Variants in THBS2 observed in about 807,000 individuals in gnomAD.
THBS2 encodes thrombospondin-2.
In THBS2, 47 loss-of-function variants were observed where a neutral mutation model predicts 135.2. The observed-to-expected ratio is 0.35, with a 90% CI of 0.28 to 0.44. The LOEUF (loss-of-function observed/expected upper bound fraction) is 0.44. THBS2 is among the 20% of genes least tolerant of loss of function. THBS2 has a pLI of 1.00. For synonymous variants in THBS2, 639 were observed against 633.8 expected (o/e 1.01, Z -0.12); for missense variants, 1,288 against 1,603.1 (o/e 0.80, Z 3.36).
Position 169,234,810 on chromosome 6 carries a change from C to T in THBS2, c.1575G>A (p.Glu525=). ...CGCAGGCCTTCCCTCCGTACTGAGG[C>T]TCAGGGCTGTTGCAGACCCGGGTGC... ...RERTRVCNSP[E]PQYGGKACVG... Residue 525 remains glutamate, a synonymous_variant, in exon 10 of 22, where the codon GAG becomes GAA. Transcript: ENST00000617924. The T allele has an allele frequency of 1.2e-6, 2 of 1,612,998 alleles. No individual in the cohort carries two copies. Among genetic ancestry groups the T allele is most frequent in the Non-Finnish European group, 1.7e-6 (2 of 1,179,612 alleles).
chr6:169,223,164 A>G (rs1034711181), intron 18 of THBS2, 84 bp downstream of exon 18: 82 of 1,291,970 alleles, frequency 6.3e-5, no homozygotes, highest in Middle Eastern at 2.7e-4. Context: ...TCCCACCTGC[A>G]TGATCTTAAA....
In THBS2 at chr6:169,216,744, T is replaced by A. The variant is rs1779185877; in HGVS notation, c.*1078A>T. 1 of 152,224 alleles carries A rather than the reference T, an allele frequency of 6.6e-6. No individual in the cohort carries two copies. The highest frequency in any genetic ancestry group is 1.5e-5 in the Non-Finnish European group (1 of 68,038). 9.4% of individuals were successfully genotyped at this position (152,224 alleles called of 1,614,324 possible). On this transcript the variant is annotated 3_prime_UTR_variant, in exon 22 of 22. Transcript: ENST00000617924. ...CTTATTAGATGTTTGTTTCTAGAAATTATACTACATATGTGTTACTAGGCA... is the reference window on the plus strand; with the variant it reads ...CTTATTAGATGTTTGTTTCTAGAAAATATACTACATATGTGTTACTAGGCA...
In THBS2 at chr6:169,252,948, A is replaced by C. The variant is rs1583424810; in HGVS notation, c.-23+776T>G. On this transcript the variant is annotated intron_variant, in intron 1 of 21. Coordinates refer to ENST00000617924, the MANE Select transcript of THBS2 (RefSeq NM_003247.5). The surrounding 1 kb of genome is among the most constrained non-coding windows in gnomAD (Gnocchi z 4.3). ...ACCACCAACAGCAGTCTGATTAAAC[A>C]CCAGACTCCTGGGTGCTCAGCTCCC... is the stretch of plus-strand genomic sequence containing the variant. 6.6e-6 allele frequency among the ~76,000 whole-genome samples: 1 copy of C among 152,210 alleles called. No individual in the cohort carries two copies. Among genetic ancestry groups the C allele is most frequent in the Non-Finnish European group, 1.5e-5 (1 of 68,042 alleles).
intron 3 of THBS2, among the ~76,000 whole-genome samples, chr6:169,247,985 G>T (rs73046024): frequency 0.12 from 18,677 of 152,034 alleles, 1,248 homozygotes; most frequent in Non-Finnish European, 0.15. Flanking sequence ...GTGTGCACAT[G>T]GGCATGCATA....
chr6:169,233,214 C>CG (rs1411363860), intron 10 of THBS2, among the ~76,000 whole-genome samples, 197 bp from the exon 11 acceptor site: 1 of 152,052 alleles, frequency 6.6e-6, no homozygotes, highest in Non-Finnish European at 1.5e-5. Flanking sequence ...CACAGTGCAG[C>CG]GGGTTGCAGA....
Position 169,222,592 on chromosome 6 carries a change from C to G in THBS2, c.3002-124G>C, listed in dbSNP as rs1272783087. 1.2e-5 allele frequency: 13 copies of G among 1,057,814 alleles called. No homozygotes were observed. The Admixed American group carries it at 2.0e-4, about 16-fold the overall frequency. 65.5% of individuals were successfully genotyped at this position (1,057,814 alleles called of 1,614,324 possible). The stretch of plus-strand genomic sequence containing the variant: ...GGCAGATCACCTGAGGTCAAGAGTT[C>G]GAGACTGGTCTGACCAATATGGTGA... On this transcript the variant is annotated intron_variant, in intron 18 of 21. Coordinates refer to ENST00000617924, the MANE Select transcript of THBS2 (RefSeq NM_003247.5).
chr6:169,219,585 TC>T (rs1169113992), intron 21 of THBS2, among the ~76,000 whole-genome samples: 2 of 152,082 alleles, frequency 1.3e-5, no homozygotes, highest in Non-Finnish European at 1.5e-5. Flanking sequence ...CCTCAGGGGA[TC>T]CACCCGCCTT....
At chr6:169,229,901 CA>C (rs1779775686) in intron 13 of THBS2, among the ~76,000 whole-genome samples, 1 of 152,082 alleles carries the variant, frequency 6.6e-6, no homozygotes, top group South Asian at 2.1e-4. Flanking sequence ...ACGAGGGAGA[CA>C]AAAGAAACTT....
intron 15 of THBS2, among the ~76,000 whole-genome samples, chr6:169,227,134 C>T (rs955097226): frequency 8.5e-5 from 13 of 152,140 alleles, no homozygotes; most frequent in African/African-American, 2.2e-4. Flanking sequence ...CTGAGAAACC[C>T]GCTGTGAGAC....
In THBS2 at chr6:169,222,254, C is replaced by T. The variant is rs142051087; in HGVS notation, c.3216G>A (p.Thr1072=). Reference sequence around the variant, plus strand: ...CGTTCCTCAGGTGCTCGCCCGTCCCCGTGGTGGAGTTCACCACCTTGAGGG... The same window carrying T: ...CGTTCCTCAGGTGCTCGCCCGTCCCTGTGGTGGAGTTCACCACCTTGAGGG... ...GVSLKVVNST[T]GTGEHLRNAL... Residue 1072 remains threonine (T), a synonymous_variant, in exon 19 of 22, where the codon ACG becomes ACA. Coordinates refer to ENST00000617924, the MANE Select transcript of THBS2 (RefSeq NM_003247.5). 5.5e-4 allele frequency: 882 copies of T among 1,613,192 alleles called. 2 individuals are homozygous for T. The highest frequency in any genetic ancestry group is 4.1e-4 in the Non-Finnish European group (483 of 1,180,022).
At position 169,226,283 on chromosome 6, in the gene THBS2, C is replaced by T. The variant is rs1477648023; in HGVS notation, c.2435G>A (p.Arg812Gln). The change falls in exon 16 of 22, where the codon CGA (arginine) becomes CAA (glutamine). Residue 812 changes from arginine (R) to glutamine (Q), a missense_variant. By Grantham distance (43) the Arg-to-Gln change is conservative. Transcript: ENST00000617924. ...DIDGDDVFNERDNCPYVYNTD... is the reference protein window; with the variant it reads ...DIDGDDVFNEQDNCPYVYNTD... Reference sequence around the variant, plus strand: ...GTTGTAGACGTAGGGACAATTGTCTCGTTCATTGAAGACATCTGTAAGTGT... The same window carrying T: ...GTTGTAGACGTAGGGACAATTGTCTTGTTCATTGAAGACATCTGTAAGTGT... The T allele has an allele frequency of 5.0e-6, 8 of 1,613,570 alleles. No individual in the cohort carries two copies. In the Admixed American group the frequency reaches 5.0e-5, roughly 10 times the overall value.
Position 169,229,685 on chromosome 6 carries a change from A to AT in THBS2, c.2152-7dup. On this transcript the variant is annotated splice_region_variant and splice_polypyrimidine_tract_variant and intron_variant, in intron 13 of 21. Coordinates refer to ENST00000617924, the MANE Select transcript of THBS2 (RefSeq NM_003247.5). Reference sequence around the variant, plus strand: ...GGCAGATGGGGGCAGTTATCCTGCAATTGGAGAAGGAAGAATACTTGGAAA... The same window carrying AT: ...GGCAGATGGGGGCAGTTATCCTGCAATTTGGAGAAGGAAGAATACTTGGAAA... 1 of 1,609,932 alleles carries AT rather than the reference A, an allele frequency of 6.2e-7. No individual in the cohort carries two copies. The highest frequency in any genetic ancestry group is 8.5e-7 in the Non-Finnish European group (1 of 1,176,288).
chr6:169,245,603 T>C (rs933527870), intron 4 of THBS2, among the ~76,000 whole-genome samples: 26 of 152,140 alleles, frequency 1.7e-4, no homozygotes, highest in South Asian at 8.3e-4. Flanking sequence ...CCATCTTGGC[T>C]AACACGCTGA....
chr6:169,226,492 A>G (rs547680186), intron 15 of THBS2, among the ~76,000 whole-genome samples, 194 bp from the exon 16 acceptor site: 100 of 152,370 alleles, frequency 6.6e-4, no homozygotes, highest in Middle Eastern at 3.4e-3. Context: ...GACATATTTC[A>G]TTACAGTTCA....
At chr6:169,251,836 C>G (rs1780764867) in intron 1 of THBS2, among the ~76,000 whole-genome samples, 1 of 139,998 alleles carries the variant, frequency 7.1e-6, no homozygotes. Flanking sequence ...TGGGACCCCC[C>G]CCCCAAACCA....
At position 169,217,719 on chromosome 6, in the gene THBS2, A is replaced by C. The variant is rs984111826; in HGVS notation, c.*103T>G. ...ACCATCAGAGTTAAGGTCAAGGGAC[A>C]GGAGGTGCTGCTAGAGAGAGAAGCC... On this transcript the variant is annotated 3_prime_UTR_variant, in exon 22 of 22. Transcript: ENST00000617924. 1.5e-6 allele frequency: 2 copies of C among 1,326,898 alleles called. No homozygotes were observed. Among genetic ancestry groups the C allele is most frequent in the African/African-American group, 3.0e-5 (2 of 67,772 alleles). The allele number at this position is 1,326,898 out of a possible 1,614,324, so 82.2% of individuals were successfully genotyped here.
rs961714721 is a variant in THBS2, at chr6:169,216,599, T to G, written c.*1223A>C. 3.3e-5 allele frequency: 3 copies of G among 90,374 alleles called. No individual in the cohort carries two copies. The East Asian group carries it at 7.6e-4, about 23-fold the overall frequency. 5.6% of individuals were successfully genotyped at this position (90,374 alleles called of 1,614,324 possible). ...TGAACTAAAATCGCTGGCAACATTA[T>G]ATATTTAAGGTTCCATCATAAACTC... On this transcript the variant is annotated 3_prime_UTR_variant, in exon 22 of 22. Coordinates refer to ENST00000617924, the MANE Select transcript of THBS2 (RefSeq NM_003247.5).
chr6:169,237,205 C>A lies in THBS2; in HGVS notation c.1442G>T (p.Arg481Leu), dbSNP rs757488726. 6.2e-7 allele frequency: 1 copy of A among 1,611,664 alleles called. No individual in the cohort carries two copies. Among genetic ancestry groups the A allele is most frequent in the Non-Finnish European group, 8.5e-7 (1 of 1,179,866 alleles). ...MGGKNCKGSG[R>L]ETKACQGAPC... ...GGCGCCCTGGCAGGCTTTGGTCTCC[C>A]GGCCACTCCCTTTGCAATTCTTGCC... The change falls in exon 9 of 22, where the codon CGG becomes CTG. Residue 481 changes from arginine (R) to leucine (L), a missense_variant. This residue lies in a region of THBS2 where 874 missense variants were observed against 1,156.1 expected (regional missense o/e 0.76). Coordinates refer to ENST00000617924, the MANE Select transcript of THBS2 (RefSeq NM_003247.5).
chr6:169,218,109 T>G (rs1323495224), intron 21 of THBS2, among the ~76,000 whole-genome samples: 3 of 89,608 alleles, frequency 3.3e-5, no homozygotes, highest in Non-Finnish European at 6.4e-5. Flanking sequence ...GATGGATGGG[T>G]GGATGGATGG....
Sources: gnomAD v4.1 joint callset for allele counts (sites outside exome capture counted in the v4.1 genomes callset) on GRCh38, gnomAD v4.1.1 for gene constraint, gnomAD v4.1.1 regional missense constraint, Gnocchi (gnomAD v3.1) non-coding constraint, MANE v1.5 for transcripts, NCBI Gene and HGNC (gene_info 2026-07-23, HGNC 2026-07-21) for gene names.